Variants in SHISA6 observed in about 807,000 individuals in gnomAD.
SHISA6 encodes the protein shisa family member 6, also known as protein shisa-6.
SHISA6 carries 22 observed loss-of-function variants against 47.9 expected under a neutral mutation model. The ratio of observed to expected loss-of-function variants is 0.46; its 90% CI spans 0.33 to 0.66. The LOEUF is 0.66. SHISA6 is among the 30% of genes least tolerant of loss of function. SHISA6 has a pLI of 0.02. For synonymous variants in SHISA6, 388 were observed against 337.8 expected (o/e 1.15, Z -1.63); for missense variants, 680 against 764.6 (o/e 0.89, Z 1.30).
At chr17:11,279,338 CGTA>C (rs1027726269) in intron 2 of SHISA6, among the ~76,000 whole-genome samples, 14 of 152,226 alleles carry the variant, frequency 9.2e-5, no homozygotes, top group Admixed American at 2.6e-4. Context: ...GTTAGACCCT[CGTA>C]GAGGTACGAG....
chr17:11,398,119 C>T (rs188261354), intron 3 of SHISA6, among the ~76,000 whole-genome samples: 138 of 152,084 alleles, frequency 9.1e-4, no homozygotes, highest in African/African-American at 2.9e-3. Context: ...GTTAGTTTTG[C>T]GTAATTTTGG....
chr17:11,372,781 G>A (rs998065432), intron 2 of SHISA6, among the ~76,000 whole-genome samples: 16 of 152,042 alleles, frequency 1.1e-4, no homozygotes, highest in Middle Eastern at 3.4e-3. Context: ...AGTTTCAGCC[G>A]TGCATGGTTG....
intron 2 of SHISA6, among the ~76,000 whole-genome samples, chr17:11,305,699 C>G (rs902671083): frequency 2.6e-5 from 4 of 152,198 alleles, no homozygotes; most frequent in African/African-American, 9.6e-5. Flanking sequence ...GTGGTCCAAG[C>G]TGGACCACAA....
chr17:11,420,002 G>C (rs779595573), intron 3 of SHISA6, among the ~76,000 whole-genome samples: 1 of 152,106 alleles, frequency 6.6e-6, no homozygotes, highest in Non-Finnish European at 1.5e-5. Context: ...TCAGGAGTTC[G>C]AGACCAGCCT....
At chr17:11,361,700 A>G (rs745708583) in intron 2 of SHISA6, among the ~76,000 whole-genome samples, 3 of 152,234 alleles carry the variant, frequency 2.0e-5, no homozygotes, top group Admixed American at 6.5e-5. Context: ...CAGAGCTTCA[A>G]TTCATTAAAA....
At chr17:11,342,515 C>T (rs1279313665) in intron 2 of SHISA6, among the ~76,000 whole-genome samples, 2 of 152,194 alleles carry the variant, frequency 1.3e-5, no homozygotes, top group African/African-American at 4.8e-5. Flanking sequence ...GGTGAAAAAA[C>T]ACATCTTATG....
In SHISA6 at chr17:11,557,786, C is replaced by A; in HGVS notation, c.1138C>A (p.Arg380=). 1 of 1,549,934 alleles carries A rather than the reference C, an allele frequency of 6.5e-7. No homozygotes were observed. The highest frequency in any genetic ancestry group is 1.2e-5 in the South Asian group (1 of 83,708). ...GGAGGCTGACGAGTATTACATGAGA[C>A]GGCGGCACCTGCCCGACCTGGCTGC... ...DKEADEYYMR[R]RHLPDLAARG... is the part of the protein sequence containing the mutation. Residue 380 remains arginine (R), a synonymous_variant, in exon 6 of 6, where the codon CGG becomes AGG. Transcript: ENST00000441885.
intron 3 of SHISA6, among the ~76,000 whole-genome samples, chr17:11,461,233 TA>T (rs1915681290): frequency 1.3e-5 from 2 of 151,930 alleles, no homozygotes; most frequent in Admixed American, 1.3e-4. Context: ...CTGTCTCTAC[TA>T]AAAATGCAAA....
intron 3 of SHISA6, among the ~76,000 whole-genome samples, chr17:11,449,005 T>G (rs1915310930): frequency 6.6e-6 from 1 of 152,200 alleles, no homozygotes; most frequent in African/African-American, 2.4e-5. Context: ...TCCCCACTTT[T>G]ATATTTGTTC....
rs542450259 is a variant in SHISA6 at position 11,488,815 on chromosome 17, C to A, written c.896-63081C>A. 5.9e-5 allele frequency among the ~76,000 whole-genome samples: 9 copies of A among 152,348 alleles called. 1 individual carries two copies. In the South Asian group the frequency reaches 1.9e-3, roughly 32 times the overall value. On this transcript the variant is annotated intron_variant, in intron 3 of 5. Transcript: ENST00000441885. ...ATGCTCATCCCTGAATCTGTTGCTG[C>A]AACCTAGAGGATGTGATAGTCATAT...
intron 2 of SHISA6, among the ~76,000 whole-genome samples, chr17:11,315,017 AGAAGGG>A (rs1470928043): frequency 6.6e-6 from 1 of 152,230 alleles, no homozygotes; most frequent in Non-Finnish European, 1.5e-5. Context: ...GTGAGATTTT[AGAAGGG>A]GACATGAATG....
chr17:11,273,246 C>T (rs557640624), intron 2 of SHISA6, among the ~76,000 whole-genome samples: 54 of 152,342 alleles, frequency 3.5e-4, no homozygotes, highest in South Asian at 2.9e-3. Flanking sequence ...CCCTAGAGCT[C>T]AAGCCCTGAG....
intron 3 of SHISA6, among the ~76,000 whole-genome samples, chr17:11,463,777 A>G (rs1488227091): frequency 6.6e-6 from 1 of 152,194 alleles, no homozygotes; most frequent in Non-Finnish European, 1.5e-5. Context: ...CTGTTGATGG[A>G]TATTTAGGTT....
At chr17:11,464,219 G>T (rs762734082) in intron 3 of SHISA6, among the ~76,000 whole-genome samples, 16 of 152,136 alleles carry the variant, frequency 1.1e-4, no homozygotes, top group Non-Finnish European at 7.3e-5. Flanking sequence ...ACACAGCCAT[G>T]GAAAAGATTT....
chr17:11,423,330 GATAGATAGA>G lies in SHISA6; in HGVS notation c.895+43822_895+43830del, dbSNP rs1914512303. On this transcript the variant is annotated intron_variant, in intron 3 of 5. Transcript: ENST00000441885. ...TATATATGCCTGTAACATATATATA[GATAGATAGA>G]TAGATAGATAGATAGATAGATAGAT... is the stretch of plus-strand genomic sequence containing the variant. Among the ~76,000 whole-genome samples, 4 of 9,912 alleles carry G rather than the reference GATAGATAGA, an allele frequency of 4.0e-4. No homozygotes were observed. The Admixed American group carries it at 4.3e-3, about 11-fold the overall frequency. The allele number at this position is 9,912 out of a possible 152,430, so 6.5% of individuals were successfully genotyped here. A position where few individuals can be genotyped will look rare whatever the true frequency, so the allele number is the denominator to read the frequency against.
At chr17:11,489,455 G>A (rs1358195992) in intron 3 of SHISA6, among the ~76,000 whole-genome samples, 1 of 152,138 alleles carries the variant, frequency 6.6e-6, no homozygotes, top group South Asian at 2.1e-4. Context: ...TTAGAGTGCT[G>A]AAATATATTT....
chr17:11,269,096 C>T (rs1157807353), intron 2 of SHISA6, among the ~76,000 whole-genome samples: 1 of 151,476 alleles, frequency 6.6e-6, no homozygotes, highest in African/African-American at 2.4e-5. Flanking sequence ...GGCTGGAGTG[C>T]AGTGGCGCGA....
At chr17:11,245,977 C>T (rs897156868) in intron 1 of SHISA6, among the ~76,000 whole-genome samples, 27 of 152,186 alleles carry the variant, frequency 1.8e-4, no homozygotes, top group Non-Finnish European at 3.1e-4. Context: ...AGGGCCCCTT[C>T]GCTGGCTGAT....
intron 2 of SHISA6, among the ~76,000 whole-genome samples, chr17:11,341,589 C>T (rs776877113): frequency 6.6e-6 from 1 of 152,116 alleles, no homozygotes; most frequent in African/African-American, 2.4e-5. Context: ...CCGCCTCAGC[C>T]TCCCAAAGTG....
Sources: gnomAD v4.1 joint callset for allele counts (sites outside exome capture counted in the v4.1 genomes callset) on GRCh38, gnomAD v4.1.1 for gene constraint, MANE v1.5 for transcripts, NCBI Gene and HGNC (gene_info 2026-07-23, HGNC 2026-07-21) for gene names.